COG3: variants seen among roughly 807,000 people sequenced by gnomAD.
The protein encoded by COG3 is component of oligomeric golgi complex 3, also known as conserved oligomeric Golgi complex subunit 3.
In COG3, 32 loss-of-function variants were observed where a neutral mutation model predicts 114.1. The observed-to-expected ratio is 0.28, with a 90% CI of 0.21 to 0.38. The LOEUF is 0.38. Ranked by LOEUF, COG3 falls within the 10% of genes least tolerant of loss-of-function variation. The pLI, the probability that COG3 is intolerant of heterozygous loss-of-function variation, is 1.00. For missense variants in COG3, 813 were observed against 973.2 expected, an observed-to-expected ratio of 0.84 and a Z score of 2.19; for synonymous variants, 352 against 365.7, an observed-to-expected ratio of 0.96 and a Z score of 0.43.
chr13:45,524,337 G>A (rs1381287553), intron 19 of COG3, among the ~76,000 whole-genome samples: 2 of 152,170 alleles, frequency 1.3e-5, no homozygotes, highest in East Asian at 3.8e-4. Flanking sequence ...CTTAGAAACA[G>A]TCTTGTTCAA....
chr13:45,519,712 G>A (rs1027316551), intron 19 of COG3, among the ~76,000 whole-genome samples: 2 of 152,056 alleles, frequency 1.3e-5, no homozygotes, highest in African/African-American at 2.4e-5. Context: ...AATGTTGAAC[G>A]TTGAAGGAAC....
intron 13 of COG3, among the ~76,000 whole-genome samples, chr13:45,500,115 TAA>T (rs1491392035): frequency 3.0e-4 from 37 of 121,314 alleles, no homozygotes; most frequent in African/African-American, 4.7e-4. Flanking sequence ...TATATATATA[TAA>T]AAAAGAGGCC....
intron 15 of COG3, among the ~76,000 whole-genome samples, chr13:45,511,393 A>G (rs1477915775): frequency 6.6e-6 from 1 of 152,150 alleles, no homozygotes; most frequent in East Asian, 1.9e-4. Context: ...GGATTTACTG[A>G]GGGTTTGTTT....
intron 13 of COG3, among the ~76,000 whole-genome samples, chr13:45,497,710 C>T (rs1216731277): frequency 4.6e-5 from 7 of 151,866 alleles, no homozygotes; most frequent in East Asian, 3.9e-4. Context: ...TACTTGAGCC[C>T]GGGAGGTGGA....
At chr13:45,504,694 G>C (rs555532061) in intron 14 of COG3, among the ~76,000 whole-genome samples, 51 of 152,170 alleles carry the variant, frequency 3.4e-4, no homozygotes, top group Non-Finnish European at 6.6e-4. Context: ...CAGATGTGAG[G>C]GTTGAATAAG....
intron 12 of COG3, among the ~76,000 whole-genome samples, chr13:45,494,188 G>A (rs1480128955): frequency 6.6e-6 from 1 of 152,022 alleles, no homozygotes; most frequent in Non-Finnish European, 1.5e-5. Context: ...AGCCAGGCCT[G>A]GTGGCAGGCG....
intron 16 of COG3, among the ~76,000 whole-genome samples, chr13:45,514,687 G>A (rs956171770): frequency 7.3e-5 from 11 of 150,700 alleles, no homozygotes; most frequent in African/African-American, 2.4e-4. Flanking sequence ...TCCCTCTGTC[G>A]CCCAGGCTGG....
At chr13:45,491,058 C>A in intron 9 of COG3, 100 bp downstream of exon 9, 1 of 794,034 alleles carries the variant, frequency 1.3e-6, no homozygotes, top group Admixed American at 2.4e-5. Context: ...CAATTGCCTT[C>A]CAGCTTGTTC....
intron 1 of COG3, among the ~76,000 whole-genome samples, chr13:45,473,620 G>GATGGGA: frequency 6.6e-6 from 1 of 152,258 alleles, no homozygotes; most frequent in African/African-American, 2.4e-5. Context: ...GCTGCTATTA[G>GATGGGA]ATGGGAATAA....
rs76873776 is a variant in COG3 at position 45,534,829 on chromosome 13, G to A, written c.*98G>A. On this transcript the variant is annotated 3_prime_UTR_variant, in exon 23 of 23. Transcript: ENST00000349995. Reference sequence around the variant, plus strand: ...ACACCGAGGAATCGTATGTGGGAACGTCCCCGAGAACCACACGAGCGTGCT... The same window carrying A: ...ACACCGAGGAATCGTATGTGGGAACATCCCCGAGAACCACACGAGCGTGCT... 2,132 of 1,397,328 alleles carry A rather than the reference G, an allele frequency of 1.5e-3. 5 individuals carry two copies. Among genetic ancestry groups the A allele is most frequent in the Admixed American group, 3.5e-3 (113 of 32,066 alleles). 86.6% of individuals were successfully genotyped at this position (1,397,328 alleles called of 1,614,324 possible). A position where few individuals can be genotyped will look rare whatever the true frequency, so the allele number is the denominator to read the frequency against.
chr13:45,513,805 C>T (rs1282822472), intron 16 of COG3, among the ~76,000 whole-genome samples: 1 of 151,590 alleles, frequency 6.6e-6, no homozygotes, highest in Non-Finnish European at 1.5e-5. Context: ...AAACACATGT[C>T]TAATGTTAAG....
Position 45,480,301 on chromosome 13 carries a change from G to T in COG3, c.549+11G>T. The T allele has an allele frequency of 6.3e-7, 1 of 1,575,148 alleles. No homozygotes were observed. Among genetic ancestry groups the T allele is most frequent in the Non-Finnish European group, 8.7e-7 (1 of 1,151,758 alleles). On this transcript the variant is annotated intron_variant, in intron 4 of 22. Transcript: ENST00000349995. ...CTCCTAAAAGAACAGGTAATTTGGA[G>T]TAAGAGAGAGGATCAGTCATTATAT...
At chr13:45,480,049 G>A in intron 3 of COG3, 76 bp from the exon 4 acceptor site, 1 of 1,300,568 alleles carries the variant, frequency 7.7e-7, no homozygotes, top group Non-Finnish European at 1.1e-6. Context: ...TGGGAAAAAT[G>A]AGCCTTTGTT....
intron 1 of COG3, chr13:45,465,500 T>C (rs958848611): frequency 8.4e-6 from 3 of 356,150 alleles, no homozygotes; most frequent in Admixed American, 4.6e-5. Flanking sequence ...CCCGGAGCCT[T>C]GCACCGAACG....
chr13:45,518,680 T>C, intron 17 of COG3, 82 bp from the exon 18 acceptor site: 4 of 1,021,066 alleles, frequency 3.9e-6, no homozygotes, highest in Non-Finnish European at 5.9e-6. Context: ...TGCCTTGTGG[T>C]GGTAGAGAAC....
chr13:45,465,271 C>G, intron 1 of COG3, 61 bp downstream of exon 1: 1 of 1,582,634 alleles, frequency 6.3e-7, no homozygotes, highest in Admixed American at 1.8e-5. Context: ...TCGGGCGCCC[C>G]GGCAGGACCC....
chr13:45,499,104 A>C (rs979997888), intron 13 of COG3, among the ~76,000 whole-genome samples: 1 of 152,134 alleles, frequency 6.6e-6, no homozygotes, highest in East Asian at 1.9e-4. Context: ...AAAGAGCTAG[A>C]AAATATACAT....
chr13:45,525,634 G>GTTTTTTTTT (rs59577529), intron 20 of COG3, among the ~76,000 whole-genome samples: 6,001 of 55,930 alleles, frequency 0.11, 562 homozygotes, highest in African/African-American at 0.19. Context: ...AGGGCTTTGG[G>GTTTTTTTTT]TTTTTTTTTT....
chr13:45,535,562 T>C lies in COG3; in HGVS notation c.*831T>C. ...CCTGAGGAGTAGTGTTCCTCCTGAATGAAGGTTCAGGTCACCAGCCTTCTG... is the reference window on the plus strand; with the variant it reads ...CCTGAGGAGTAGTGTTCCTCCTGAACGAAGGTTCAGGTCACCAGCCTTCTG... On this transcript the variant is annotated 3_prime_UTR_variant, in exon 23 of 23. Coordinates refer to ENST00000349995, the MANE Select transcript of COG3 (RefSeq NM_031431.4). The C allele has an allele frequency of 1.0e-6, 1 of 985,664 alleles. No homozygotes were observed. The highest frequency in any genetic ancestry group is 1.2e-6 in the Non-Finnish European group (1 of 830,092). 61.1% of individuals were successfully genotyped at this position (985,664 alleles called of 1,614,324 possible). A position where few individuals can be genotyped will look rare whatever the true frequency, so the allele number is the denominator to read the frequency against.
Sources: allele counts gnomAD v4.1 joint callset (sites outside exome capture counted in the v4.1 genomes callset), GRCh38; gene constraint gnomAD v4.1.1; transcripts MANE v1.5; gene names NCBI Gene and HGNC (gene_info 2026-07-23, HGNC 2026-07-21).